MCPH1: variants seen among roughly 807,000 people sequenced by gnomAD.
MCPH1 encodes microcephalin.
In MCPH1, 104 loss-of-function variants were observed where a neutral mutation model predicts 84.5. The observed-to-expected ratio is 1.23, with a 90% CI of 1.05 to 1.45. The LOEUF is 1.45. Ranked by LOEUF, MCPH1 falls within the 40% of genes most tolerant of loss-of-function variation. The pLI is 0.00. For synonymous variants in MCPH1, 514 were observed against 366.8 expected (o/e 1.40, Z -4.58); for missense variants, 1,498 against 1,005.7 (o/e 1.49, Z -6.62).
chr8:6,513,899 T>C, intron 12 of MCPH1: 1 of 1,482,910 alleles, frequency 6.7e-7, no homozygotes, highest in East Asian at 2.3e-5. Flanking sequence ...CTTTGTATAT[T>C]TGAAGTGGAT....
At chr8:6,414,046 C>A (rs1285044304) in intron 2 of MCPH1, among the ~76,000 whole-genome samples, 2 of 152,198 alleles carry the variant, frequency 1.3e-5, no homozygotes, top group African/African-American at 4.8e-5. Context: ...AACCACCACA[C>A]CCAGTTTCCT....
chr8:6,614,341 C>A (rs1830587040), intron 12 of MCPH1, among the ~76,000 whole-genome samples: 2 of 152,178 alleles, frequency 1.3e-5, no homozygotes, highest in African/African-American at 2.4e-5. Flanking sequence ...TGGTGAGGGG[C>A]CTGCCTCCTT....
intron 9 of MCPH1, among the ~76,000 whole-genome samples, chr8:6,462,939 C>T (rs1585912072): frequency 6.6e-6 from 1 of 152,136 alleles, no homozygotes; most frequent in Non-Finnish European, 1.5e-5. Flanking sequence ...TCTCTCTTAC[C>T]TGCCTCCTCT....
chr8:6,466,940 A>G (rs1807054557), intron 9 of MCPH1, among the ~76,000 whole-genome samples: 1 of 152,198 alleles, frequency 6.6e-6, no homozygotes, highest in East Asian at 1.9e-4. Flanking sequence ...TAAAAAAGTT[A>G]TTGCCTTCCA....
intron 12 of MCPH1, among the ~76,000 whole-genome samples, chr8:6,575,138 T>C (rs998575077): frequency 6.6e-6 from 1 of 152,130 alleles, no homozygotes; most frequent in Non-Finnish European, 1.5e-5. Flanking sequence ...AGTTTTCCTA[T>C]TGCATGTTTG....
chr8:6,406,818 G>T, intron 1 of MCPH1, 129 bp downstream of exon 1: 1 of 951,018 alleles, frequency 1.1e-6, no homozygotes, highest in Middle Eastern at 2.9e-4. Context: ...GTCTCCCCCA[G>T]ACCCCCTGCC....
In MCPH1 at chr8:6,637,230, ACAGG is replaced by A. The variant is rs144872944; in HGVS notation, c.2453-5760_2453-5757del. 1.2e-4 allele frequency among the ~76,000 whole-genome samples: 18 copies of A among 152,346 alleles called. No homozygotes were observed. The East Asian group carries it at 3.3e-3, about 28-fold the overall frequency. ...TGGGACTTAACATTTAAGAGAGAAG[ACAGG>A]CAGCAAACAATTTCTTTAAAAATCC... On this transcript the variant is annotated intron_variant, in intron 13 of 13. Coordinates refer to ENST00000344683, the MANE Select transcript of MCPH1 (RefSeq NM_024596.5).
Position 6,526,790 on chromosome 8 carries a change from G to A in MCPH1, c.2214+26861G>A, listed in dbSNP as rs564985106. Among the ~76,000 whole-genome samples, 146 of 152,230 alleles carry A rather than the reference G, an allele frequency of 9.6e-4. 3 individuals are homozygous for A. Among genetic ancestry groups the A allele is most frequent in the Non-Finnish European group, 1.2e-4 (8 of 67,996 alleles). On this transcript the variant is annotated intron_variant, in intron 12 of 13. Coordinates refer to ENST00000344683, the MANE Select transcript of MCPH1 (RefSeq NM_024596.5). ...TATACATGTCTTCATTAAAAACAAG[G>A]AAATAGGCACACCAGGTATGTGCAT...
intron 12 of MCPH1, among the ~76,000 whole-genome samples, chr8:6,584,551 C>G (rs1827823459): frequency 6.6e-6 from 1 of 152,178 alleles, no homozygotes; most frequent in Non-Finnish European, 1.5e-5. Flanking sequence ...GAACACAATT[C>G]ATTCCAGACC....
intron 2 of MCPH1, among the ~76,000 whole-genome samples, chr8:6,410,493 A>C (rs771597900): frequency 6.6e-6 from 1 of 152,196 alleles, no homozygotes; most frequent in African/African-American, 2.4e-5. Context: ...GCCTTATTCA[A>C]GGTTTCTTAG....
At chr8:6,503,048 G>A (rs534344603) in intron 12 of MCPH1, 11 of 1,604,440 alleles carry the variant, frequency 6.9e-6, no homozygotes, top group South Asian at 1.1e-5. Context: ...CAGTGCACTG[G>A]GCTTAAGTCT....
At chr8:6,626,411 A>C in intron 13 of MCPH1, 2 of 984,190 alleles carry the variant, frequency 2.0e-6, no homozygotes, top group Non-Finnish European at 2.4e-6. Flanking sequence ...ACTTGGGCCA[A>C]GATTCTTGAT....
intron 12 of MCPH1, among the ~76,000 whole-genome samples, chr8:6,591,287 T>C (rs566151566): frequency 5.3e-5 from 8 of 152,242 alleles, no homozygotes; most frequent in Non-Finnish European, 8.8e-5. Context: ...CTACTTTTTA[T>C]AGTCACTCTA....
At chr8:6,413,991 G>A (rs967535002) in intron 2 of MCPH1, among the ~76,000 whole-genome samples, 25 of 152,164 alleles carry the variant, frequency 1.6e-4, no homozygotes, top group Non-Finnish European at 2.8e-4. Context: ...CTGACCTCAT[G>A]ATCCACCTGC....
intron 12 of MCPH1, among the ~76,000 whole-genome samples, chr8:6,505,123 C>T (rs1361658797): frequency 1.3e-5 from 1 of 79,142 alleles, no homozygotes; most frequent in Non-Finnish European, 3.0e-5. Context: ...GGCAGGTCCT[C>T]TTTAGCCTTA....
chr8:6,559,906 C>G (rs139714219), intron 12 of MCPH1, among the ~76,000 whole-genome samples: 1 of 152,276 alleles, frequency 6.6e-6, no homozygotes, highest in Non-Finnish European at 1.5e-5. Context: ...AGTAAGCTGT[C>G]CTGTATTGTT....
chr8:6,604,584 A>C (rs537051230), intron 12 of MCPH1, among the ~76,000 whole-genome samples: 2 of 152,374 alleles, frequency 1.3e-5, no homozygotes, highest in African/African-American at 2.4e-5. Context: ...GGCTCACTGC[A>C]ATCTCTGCCT....
intron 13 of MCPH1, among the ~76,000 whole-genome samples, chr8:6,636,820 G>A (rs1485190865): frequency 3.3e-5 from 5 of 152,206 alleles, no homozygotes; most frequent in African/African-American, 1.2e-4. Context: ...AAAAAATCTG[G>A]AATTCAAAAC....
intron 12 of MCPH1, chr8:6,521,119 T>G: frequency 7.1e-7 from 1 of 1,403,228 alleles, no homozygotes; most frequent in Non-Finnish European, 9.8e-7. Flanking sequence ...TTTAGTCTTT[T>G]GAGTGTTTTA....
Sources: allele counts gnomAD v4.1 joint callset (sites outside exome capture counted in the v4.1 genomes callset), GRCh38; gene constraint gnomAD v4.1.1; transcripts MANE v1.5; gene names NCBI Gene and HGNC (gene_info 2026-07-23, HGNC 2026-07-21).